Variants in COMMD10 observed in about 807,000 individuals in gnomAD.
The protein encoded by COMMD10 is COMM domain containing 10, also known as COMM domain-containing protein 10.
In COMMD10, 33 loss-of-function variants were observed where a neutral mutation model predicts 28.9. That is an observed-to-expected ratio of 1.14 (90% confidence interval 0.87 to 1.53). COMMD10 has a LOEUF of 1.53. COMMD10 is among the 40% of genes most tolerant of loss of function. COMMD10 has a pLI of 0.00. For synonymous variants in COMMD10, 110 were observed against 81.7 expected (o/e 1.35, Z -1.87); for missense variants, 310 against 233.4 (o/e 1.33, Z -2.14).
intron 5 of COMMD10, among the ~76,000 whole-genome samples, chr5:116,160,039 G>A (rs1442236472): frequency 6.6e-6 from 1 of 152,158 alleles, no homozygotes; most frequent in East Asian, 1.9e-4. Context: ...ATGTTGATAT[G>A]CGAGACACTT....
chr5:116,267,701 C>T (rs1170320226), intron 5 of COMMD10, among the ~76,000 whole-genome samples: 4 of 151,904 alleles, frequency 2.6e-5, no homozygotes, highest in African/African-American at 7.3e-5. Flanking sequence ...TCAGACTATA[C>T]TACAAGGCTA....
chr5:116,211,943 G>A (rs2112634495), intron 5 of COMMD10, among the ~76,000 whole-genome samples: 1 of 152,262 alleles, frequency 6.6e-6, no homozygotes, highest in African/African-American at 2.4e-5. Context: ...TTCCAGCTCT[G>A]ACTTTCTGAG....
At chr5:116,118,073 A>T (rs1471883053) in intron 4 of COMMD10, among the ~76,000 whole-genome samples, 1 of 152,110 alleles carries the variant, frequency 6.6e-6, no homozygotes, top group Admixed American at 6.5e-5. Flanking sequence ...TCCTTTTAAC[A>T]TCCTCTATCT....
intron 5 of COMMD10, among the ~76,000 whole-genome samples, chr5:116,215,270 CAG>C (rs1749066204): frequency 6.6e-6 from 1 of 151,952 alleles, no homozygotes; most frequent in African/African-American, 2.4e-5. Context: ...ACATTTTATA[CAG>C]ATGTAAGTAT....
At chr5:116,112,230 C>G (rs1206789607) in intron 4 of COMMD10, among the ~76,000 whole-genome samples, 1 of 152,090 alleles carries the variant, frequency 6.6e-6, no homozygotes. Context: ...TTATTTTTTA[C>G]TATTTTTATT....
intron 5 of COMMD10, among the ~76,000 whole-genome samples, chr5:116,249,945 A>G (rs1206714447): frequency 6.6e-6 from 1 of 151,956 alleles, no homozygotes; most frequent in Non-Finnish European, 1.5e-5. Flanking sequence ...ATATTTGTTT[A>G]GTGGTATGTT....
intron 5 of COMMD10, among the ~76,000 whole-genome samples, chr5:116,288,166 TTC>T (rs1432548464): frequency 7.2e-5 from 11 of 151,908 alleles, no homozygotes; most frequent in Admixed American, 5.9e-4. Context: ...AAATGTTAAT[TTC>T]TTCTTCACTT....
intron 5 of COMMD10, among the ~76,000 whole-genome samples, chr5:116,281,157 G>A (rs1490645487): frequency 6.6e-6 from 1 of 151,704 alleles, no homozygotes; most frequent in Admixed American, 6.6e-5. Flanking sequence ...GTATTATTTA[G>A]AGGATATTTC....
chr5:116,249,959 CAT>C (rs1369627867), intron 5 of COMMD10, among the ~76,000 whole-genome samples: 1 of 151,870 alleles, frequency 6.6e-6, no homozygotes, highest in African/African-American at 2.4e-5. Context: ...GTATGTTTAT[CAT>C]AAAGTTAATA....
chr5:116,178,203 C>A (rs1485475091), intron 5 of COMMD10, among the ~76,000 whole-genome samples: 2 of 151,994 alleles, frequency 1.3e-5, no homozygotes, highest in African/African-American at 4.8e-5. Context: ...GAGATAGAAA[C>A]CACTTCATTT....
intron 4 of COMMD10, among the ~76,000 whole-genome samples, chr5:116,117,879 C>G (rs765775527): frequency 6.6e-6 from 1 of 152,078 alleles, no homozygotes; most frequent in Non-Finnish European, 1.5e-5. Flanking sequence ...ATTTCCCAAC[C>G]ATTACTAGAC....
chr5:116,230,705 G>C (rs530540091), intron 5 of COMMD10, among the ~76,000 whole-genome samples: 50 of 152,118 alleles, frequency 3.3e-4, no homozygotes, highest in Non-Finnish European at 5.9e-4. Context: ...TCTTTTACCA[G>C]CCCCCACCTC....
chr5:116,175,370 G>A (rs1753470251), intron 5 of COMMD10, among the ~76,000 whole-genome samples: 1 of 152,032 alleles, frequency 6.6e-6, no homozygotes, highest in Non-Finnish European at 1.5e-5. Context: ...CACATAATGG[G>A]TGTTTATTAA....
Position 116,291,564 on chromosome 5 carries a change from T to G in COMMD10, c.558T>G (p.Asp186Glu). The G allele has an allele frequency of 1.3e-6, 2 of 1,586,086 alleles. No homozygotes were observed. Among genetic ancestry groups the G allele is most frequent in the Non-Finnish European group, 1.7e-6 (2 of 1,159,408 alleles). The change falls in exon 6 of 7, where the codon GAT becomes GAG. Residue 186 changes from aspartate to glutamate, a missense_variant. By Grantham distance (45) the Asp-to-Glu change is conservative (BLOSUM62 2). Coordinates refer to ENST00000274458, the MANE Select transcript of COMMD10 (RefSeq NM_016144.4). ...LVEFSHKELFDFYNKLETIQA... is the reference protein window; with the variant it reads ...LVEFSHKELFEFYNKLETIQA... ...AATTCAGTCACAAGGAGTTGTTTGA[T>G]TTCTATAACAAGGTCTGTATTTTTA...
At position 116,293,125 on chromosome 5, in the gene COMMD10, A is replaced by G. The variant is rs144414023; in HGVS notation, c.*636A>G. 10 of 395,744 alleles carry G rather than the reference A, an allele frequency of 2.5e-5. No individual in the cohort carries two copies. Among genetic ancestry groups the G allele is most frequent in the African/African-American group, 4.1e-5 (2 of 48,638 alleles). The allele number at this position is 395,744 out of a possible 1,614,324, so 24.5% of individuals were successfully genotyped here. A position where few individuals can be genotyped will look rare whatever the true frequency, so the allele number is the denominator to read the frequency against. On this transcript the variant is annotated 3_prime_UTR_variant, in exon 7 of 7. Transcript: ENST00000274458. ...TTTGTGTGTTTTTCTTTATACTGCAAATTAATAATGATTCACTTTATAGTT... is the reference window on the plus strand; with the variant it reads ...TTTGTGTGTTTTTCTTTATACTGCAGATTAATAATGATTCACTTTATAGTT...
At chr5:116,163,918 A>G (rs1253887550) in intron 5 of COMMD10, among the ~76,000 whole-genome samples, 1 of 152,190 alleles carries the variant, frequency 6.6e-6, no homozygotes, top group Non-Finnish European at 1.5e-5. Context: ...ATATGAGTAA[A>G]TAAACGTAGT....
chr5:116,213,926 A>G (rs1448700571), intron 5 of COMMD10, among the ~76,000 whole-genome samples: 2 of 152,142 alleles, frequency 1.3e-5, no homozygotes, highest in African/African-American at 4.8e-5. Flanking sequence ...AGTCCTTTTC[A>G]TGGAATAGAA....
intron 5 of COMMD10, among the ~76,000 whole-genome samples, chr5:116,157,519 G>C (rs1345582761): frequency 6.6e-6 from 1 of 152,176 alleles, no homozygotes; most frequent in Non-Finnish European, 1.5e-5. Flanking sequence ...ACTTGGTTCA[G>C]AGACAGCAGA....
At chr5:116,191,729 G>A (rs1338520068) in intron 5 of COMMD10, among the ~76,000 whole-genome samples, 3 of 151,856 alleles carry the variant, frequency 2.0e-5, no homozygotes, top group African/African-American at 4.8e-5. Flanking sequence ...AAGACAGAGT[G>A]CATATAATCT....
Sources: allele counts gnomAD v4.1 joint callset (sites outside exome capture counted in the v4.1 genomes callset), GRCh38; gene constraint gnomAD v4.1.1; transcripts MANE v1.5; gene names NCBI Gene and HGNC (gene_info 2026-07-23, HGNC 2026-07-21).